Variants in COG5 observed in about 807,000 individuals in gnomAD.
COG5 encodes the protein conserved oligomeric Golgi complex subunit 5.
COG5 carries 86 observed loss-of-function variants against 110.4 expected under a neutral mutation model. The observed-to-expected ratio is 0.78, with a 90% confidence interval of 0.65 to 0.93. The LOEUF (loss-of-function observed/expected upper bound fraction) is 0.93, where lower values mean the gene tolerates loss of function less well. COG5 is among the 40% of genes least tolerant of loss of function. COG5 has a pLI of 0.00. For missense variants in COG5, 1,077 were observed against 987.0 expected (o/e 1.09, Z -1.22); for synonymous variants, 360 against 334.6 (o/e 1.08, Z -0.83).
intron 6 of COG5, among the ~76,000 whole-genome samples, chr7:107,491,135 T>C (rs2237673): frequency 0.28 from 42,021 of 151,944 alleles, 5,846 homozygotes; most frequent in East Asian, 0.33. Context: ...GTGGCTATTC[T>C]TCAGTATCTT....
Position 107,203,536 on chromosome 7 carries a change from C to T in COG5, c.2470G>A (p.Ala824Thr). Residue 824 changes from alanine (A) to threonine (T), a missense_variant, in exon 22 of 22, where the codon GCT becomes ACT. Coordinates refer to ENST00000297135, the MANE Select transcript of COG5 (RefSeq NM_006348.5). ...TGTCATTACTGAAGAGCAGACATAG[C>T]CTTTTGAAGCAGCTGAACCATTATG... is the stretch of plus-strand genomic sequence containing the variant. ...YPIMVQLLQKAMSALQ is the reference protein window; with the variant it reads ...YPIMVQLLQKTMSALQ The T allele has an allele frequency of 6.2e-7, 1 of 1,612,848 alleles. No individual in the cohort carries two copies. The highest frequency in any genetic ancestry group is 1.1e-5 in the South Asian group (1 of 91,060).
At chr7:107,533,667 GA>G (rs1801371582) in intron 5 of COG5, among the ~76,000 whole-genome samples, 1 of 151,624 alleles carries the variant, frequency 6.6e-6, no homozygotes, top group Non-Finnish European at 1.5e-5. Flanking sequence ...AGGACTATGT[GA>G]AAAGACCAAA....
intron 10 of COG5, among the ~76,000 whole-genome samples, chr7:107,334,777 T>C (rs568052561): frequency 6.6e-6 from 1 of 151,242 alleles, no homozygotes; most frequent in African/African-American, 2.4e-5. Flanking sequence ...CTTAAAATTC[T>C]GAAAGAAAAA....
chr7:107,546,435 G>GTTTTTTTTTTTTT lies in COG5; in HGVS notation c.417+1663_417+1675dup, dbSNP rs754919944. 2.6e-4 allele frequency among the ~76,000 whole-genome samples: 31 copies of GTTTTTTTTTTTTT among 119,482 alleles called. 1 individual carries two copies. The highest frequency in any genetic ancestry group is 4.6e-4 in the Non-Finnish European group (27 of 58,260). The allele number at this position is 119,482 out of a possible 152,430, so 78.4% of individuals were successfully genotyped here. A position where few individuals can be genotyped will look rare whatever the true frequency, so the allele number is the denominator to read the frequency against. ...ACCAAGAGTTGTGTTTTGGTTTTTT[G>GTTTTTTTTTTTTT]TTTTTTTTTTTTTTTTTTGAGACAA... On this transcript the variant is annotated intron_variant, in intron 5 of 21. Coordinates refer to ENST00000297135, the MANE Select transcript of COG5 (RefSeq NM_006348.5).
At chr7:107,347,331 A>C (rs1425761243) in intron 10 of COG5, among the ~76,000 whole-genome samples, 5 of 152,214 alleles carry the variant, frequency 3.3e-5, no homozygotes, top group Non-Finnish European at 7.3e-5. Flanking sequence ...AATAATTACC[A>C]CTGGGGAGGG....
At chr7:107,253,531 T>C (rs940560702) in intron 16 of COG5, among the ~76,000 whole-genome samples, 2 of 152,064 alleles carry the variant, frequency 1.3e-5, no homozygotes, top group African/African-American at 4.8e-5. Flanking sequence ...CAGTAAAAAA[T>C]GGATCAGAAT....
chr7:107,469,831 A>G (rs1027622816), intron 6 of COG5, among the ~76,000 whole-genome samples: 1 of 152,122 alleles, frequency 6.6e-6, no homozygotes, highest in African/African-American at 2.4e-5. Context: ...ACCAGAATAG[A>G]ATACACATTT....
chr7:107,294,147 C>T (rs1036223467), intron 12 of COG5, among the ~76,000 whole-genome samples: 1 of 152,042 alleles, frequency 6.6e-6, no homozygotes, highest in Non-Finnish European at 1.5e-5. Context: ...ATTTAATTAC[C>T]TTTTCAACAA....
rs750863688 is a variant in COG5, at chr7:107,548,290, C to A, written c.335G>T (p.Gly112Val). 6.2e-7 allele frequency: 1 copy of A among 1,613,216 alleles called. No homozygotes were observed. Among genetic ancestry groups the A allele is most frequent in the Non-Finnish European group, 8.5e-7 (1 of 1,179,210 alleles). Reference sequence around the variant, plus strand: ...TTAAGAACAGTACCTATCAACAGCTCCCTGTAAAGCCCCAATTCTCGTCTG... The same window carrying A: ...TTAAGAACAGTACCTATCAACAGCTACCTGTAAAGCCCCAATTCTCGTCTG... ...MMQTRIGALQ[G>V]AVDRIKAKIV... is the part of the protein sequence containing the mutation. The change falls in exon 4 of 22, where the codon GGA (glycine) becomes GTA (valine). Residue 112 changes from glycine (G) to valine (V), a missense_variant. Coordinates refer to ENST00000297135, the MANE Select transcript of COG5 (RefSeq NM_006348.5).
chr7:107,365,617 A>G (rs1813541263), intron 8 of COG5, among the ~76,000 whole-genome samples: 1 of 150,410 alleles, frequency 6.6e-6, no homozygotes, highest in East Asian at 1.9e-4. Context: ...AAAAAAAAAA[A>G]AAAAAGAAAA....
At chr7:107,536,143 G>C (rs1210925212) in intron 5 of COG5, among the ~76,000 whole-genome samples, 1 of 152,186 alleles carries the variant, frequency 6.6e-6, no homozygotes, top group Non-Finnish European at 1.5e-5. Context: ...GGTATTGATG[G>C]AACATATCTC....
intron 3 of COG5, among the ~76,000 whole-genome samples, chr7:107,550,882 T>C (rs2520269): frequency 0.27 from 39,135 of 146,018 alleles, 5,274 homozygotes; most frequent in East Asian, 0.35. Context: ...TGTTTTCTAC[T>C]TGTACTTTGT....
chr7:107,329,760 G>A lies in COG5; in HGVS notation c.1027-5239C>T, dbSNP rs190507711. Among the ~76,000 whole-genome samples, 544 of 152,154 alleles carry A rather than the reference G, an allele frequency of 3.6e-3. 1 individual carries two copies. Among genetic ancestry groups the A allele is most frequent in the Non-Finnish European group, 6.0e-3 (408 of 68,008 alleles). ...AAATTTAAAAAATTAGCTGAGTGTGGGAGCATGTGCCTGTGGTCTCAGCTA... is the reference window on the plus strand; with the variant it reads ...AAATTTAAAAAATTAGCTGAGTGTGAGAGCATGTGCCTGTGGTCTCAGCTA... On this transcript the variant is annotated intron_variant, in intron 10 of 21. Transcript: ENST00000297135.
chr7:107,475,245 G>C lies in COG5; in HGVS notation c.538+51992C>G, dbSNP rs766393625. 6 of 1,605,542 alleles carry C rather than the reference G, an allele frequency of 3.7e-6. No homozygotes were observed. In the Admixed American group the frequency reaches 1.0e-4, roughly 27 times the overall value. The stretch of plus-strand genomic sequence containing the variant: ...TTTCTATAGTAGAAGCTGATCCCCT[G>C]CCTAATAATGCTGTAATACACAACT... On this transcript the variant is annotated intron_variant, in intron 6 of 21. Transcript: ENST00000297135.
At chr7:107,206,973 G>C (rs1251757811) in intron 21 of COG5, among the ~76,000 whole-genome samples, 1 of 150,268 alleles carries the variant, frequency 6.7e-6, no homozygotes, top group Non-Finnish European at 1.5e-5. Context: ...AGATTATTGA[G>C]GTTATCCTTA....
chr7:107,259,591 G>C (rs867892367), intron 14 of COG5, among the ~76,000 whole-genome samples: 2 of 151,968 alleles, frequency 1.3e-5, no homozygotes, highest in Non-Finnish European at 2.9e-5. Context: ...ACTCGGGGCA[G>C]GGGGGGTCAA....
intron 18 of COG5, among the ~76,000 whole-genome samples, chr7:107,232,972 G>C (rs1800887229): frequency 6.6e-6 from 1 of 152,146 alleles, no homozygotes; most frequent in Non-Finnish European, 1.5e-5. Flanking sequence ...CTCCTGCCCT[G>C]ACATTGTTCA....
intron 8 of COG5, among the ~76,000 whole-genome samples, chr7:107,363,793 T>TA (rs1314452161): frequency 6.6e-6 from 1 of 151,988 alleles, no homozygotes; most frequent in Admixed American, 6.6e-5. Context: ...CCATCTCTGC[T>TA]AAAAATACAG....
intron 6 of COG5, among the ~76,000 whole-genome samples, chr7:107,428,359 T>A (rs1467195921): frequency 6.6e-6 from 1 of 152,008 alleles, no homozygotes; most frequent in African/African-American, 2.4e-5. Flanking sequence ...AAAGACACCT[T>A]TTAAGGAACA....
Sources: gnomAD v4.1 joint callset for allele counts (sites outside exome capture counted in the v4.1 genomes callset) on GRCh38, gnomAD v4.1.1 for gene constraint, MANE v1.5 for transcripts, NCBI Gene and HGNC (gene_info 2026-07-23, HGNC 2026-07-21) for gene names.